KASH5: variants seen among roughly 807,000 people sequenced by gnomAD.
The protein encoded by KASH5 is KASH domain containing 5, also known as protein KASH5.
KASH5 carries 72 observed loss-of-function variants against 84.2 expected under a neutral mutation model. The observed-to-expected ratio is 0.85, with a 90% CI of 0.71 to 1.04. KASH5 has a LOEUF of 1.04. KASH5 is among the 50% of genes least tolerant of loss of function. The pLI is 0.00. For missense variants in KASH5, 650 were observed against 701.0 expected, an observed-to-expected ratio of 0.93 and a Z score of 0.82; for synonymous variants, 260 against 279.1, an observed-to-expected ratio of 0.93 and a Z score of 0.68.
In KASH5 at chr19:49,395,328, C is replaced by G; in HGVS notation, c.335+36C>G. On this transcript the variant is annotated intron_variant, in intron 4 of 19. Transcript: ENST00000447857. This position sits in a 1 kb window ranked among gnomAD's most constrained non-coding sequence, Gnocchi z 4.4. ...ACATCTTCATCCTCCTCTGGGAAGT[C>G]CTTCCTAAGATCTAACCTCATACCT... 1.9e-6 allele frequency: 3 copies of G among 1,600,478 alleles called. No individual in the cohort carries two copies. The highest frequency in any genetic ancestry group is 2.6e-6 in the Non-Finnish European group (3 of 1,173,566).
Position 49,414,107 on chromosome 19 carries a change from G to T in KASH5, c.1329-844G>T, listed in dbSNP as rs1469419492. ...AAGCAGCATTTCAGGGACTCAGATG[G>T]CTGTGACCCTAGGAGGGGCCTCCCT... On this transcript the variant is annotated intron_variant, in intron 16 of 19. Coordinates refer to ENST00000447857, the MANE Select transcript of KASH5 (RefSeq NM_144688.5). This position sits in a 1 kb window ranked among gnomAD's most constrained non-coding sequence, Gnocchi z 4.5. Among the ~76,000 whole-genome samples, 1 of 152,050 alleles carries T rather than the reference G, an allele frequency of 6.6e-6. No individual in the cohort carries two copies. The highest frequency in any genetic ancestry group is 1.5e-5 in the Non-Finnish European group (1 of 67,980).
At chr19:49,398,165 C>T (rs1443270771) in intron 7 of KASH5, 22 bp downstream of exon 7, 1 of 1,545,794 alleles carries the variant, frequency 6.5e-7, no homozygotes, top group Non-Finnish European at 8.8e-7. Context: ...GCCACACCCA[C>T]CCTCCCCAGC....
chr19:49,409,255 T>G lies in KASH5; in HGVS notation c.1118T>G (p.Leu373Arg). 6.2e-7 allele frequency: 1 copy of G among 1,613,964 alleles called. No individual in the cohort carries two copies. ...TGGACCGAGCTGCTACCCCCATCGC[T>G]GGGCTTGGAGATCGAGGCCATTCGA... ...VGWTELLPPS[L>R]GLEIEAIRQK... The change falls in exon 14 of 20, where the codon CTG becomes CGG. Residue 373 changes from leucine (L) to arginine (R), a missense_variant. Transcript: ENST00000447857.
chr19:49,390,705 A>T, intron 1 of KASH5, 84 bp from the exon 2 acceptor site: 1 of 594,768 alleles, frequency 1.7e-6, no homozygotes, highest in Non-Finnish European at 2.8e-6. Context: ...GAGGACCCAG[A>T]GGTCCTGGGG....
chr19:49,407,120 T>C (rs1403255564), intron 10 of KASH5, 120 bp from the exon 11 acceptor site: 1 of 1,358,340 alleles, frequency 7.4e-7, no homozygotes, highest in Non-Finnish European at 1.0e-6. Context: ...CCTGAAGTCC[T>C]GGAACATCTC....
chr19:49,413,057 G>C lies in KASH5; in HGVS notation c.1328+31G>C, dbSNP rs368540819. ...GAGCTGAGCCATCCGTCTGCCTCAG[G>C]GTGACACCTTATTCACAGCTGTTTA... On this transcript the variant is annotated intron_variant, in intron 16 of 19. Transcript: ENST00000447857. 4 of 1,605,168 alleles carry C rather than the reference G, an allele frequency of 2.5e-6. No homozygotes were observed. In the Admixed American group the frequency reaches 6.7e-5, roughly 27 times the overall value.
Position 49,409,028 on chromosome 19 carries a change from A to G in KASH5, c.1055A>G (p.Asp352Gly). 6.3e-7 allele frequency: 1 copy of G among 1,591,208 alleles called. No individual in the cohort carries two copies. Among genetic ancestry groups the G allele is most frequent in the Non-Finnish European group, 8.6e-7 (1 of 1,169,016 alleles). ...CTGAGTCAGACCTATGAGGGGCCCG[A>G]TGAGTGAGTGGAATTTCAAGGGGTA... ...EQLSQTYEGP[D>G]ELPEGAQLRR... The change falls in exon 13 of 20, where the codon GAT (aspartate) becomes GGT (glycine). Residue 352 changes from aspartate (D) to glycine (G), a missense_variant. Transcript: ENST00000447857.
At chr19:49,394,664 C>T in intron 3 of KASH5, 84 bp downstream of exon 3, 1 of 1,054,344 alleles carries the variant, frequency 9.5e-7, no homozygotes, top group Non-Finnish European at 1.5e-6. Flanking sequence ...AGAGAGAAGA[C>T]TGGGCTAAGG....
chr19:49,407,985 G>A (rs996420176), intron 12 of KASH5, among the ~76,000 whole-genome samples: 36 of 151,722 alleles, frequency 2.4e-4, no homozygotes, highest in African/African-American at 8.5e-4. Context: ...GCACAATCTC[G>A]GCTCACTGCA....
chr19:49,409,767 A>G lies in KASH5; in HGVS notation c.1161A>G (p.Ala387=). 1.2e-6 allele frequency: 2 copies of G among 1,613,950 alleles called. No individual in the cohort carries two copies. Among genetic ancestry groups the G allele is most frequent in the Non-Finnish European group, 1.7e-6 (2 of 1,179,838 alleles). The change falls in exon 15 of 20, where the codon GCA becomes GCG. Residue 387 remains alanine (A), a synonymous_variant. Coordinates refer to ENST00000447857, the MANE Select transcript of KASH5 (RefSeq NM_144688.5). ...TTCTGTCCCAGAAACAGGAAGTGGC[A>G]ACTGCTGATCTCTCCAACCCTCTGT... The part of the protein sequence containing the change: ...IEAIRQKQEV[A]TADLSNPLCG...
In KASH5 at chr19:49,414,351, A is replaced by C. The variant is rs916546982; in HGVS notation, c.1329-600A>C. Among the ~76,000 whole-genome samples the C allele has an allele frequency of 1.3e-5, 2 of 152,028 alleles. No individual in the cohort carries two copies. Among genetic ancestry groups the C allele is most frequent in the African/African-American group, 4.8e-5 (2 of 41,368 alleles). On this transcript the variant is annotated intron_variant, in intron 16 of 19. Transcript: ENST00000447857. The surrounding 1 kb of genome is among the most constrained non-coding windows in gnomAD (Gnocchi z 4.5). ...ATTCGGCATGGGGAAGAGCTCCAAC[A>C]GTTGAGTTCTGTGGGCTGGGAGGTC...
rs765795496 is a variant in KASH5 at position 49,398,078 on chromosome 19, G to A, written c.564G>A (p.Glu188=). The change falls in exon 7 of 20, where the codon GAG becomes GAA. Residue 188 remains glutamate (E), a synonymous_variant. Transcript: ENST00000447857. ...GENAKLQRSM[E]TAEEGSARLG... ...ATGCCAAATTGCAGCGGAGCATGGAGACAGCTGAGGAGGGGTCAGCACGCC... is the reference window on the plus strand; with the variant it reads ...ATGCCAAATTGCAGCGGAGCATGGAAACAGCTGAGGAGGGGTCAGCACGCC... 2.5e-6 allele frequency: 4 copies of A among 1,613,392 alleles called. No individual in the cohort carries two copies. The highest frequency in any genetic ancestry group is 2.2e-5 in the East Asian group (1 of 44,822).
rs1415025402 is a variant in KASH5 at position 49,415,059 on chromosome 19, G to A, written c.1374+63G>A. On this transcript the variant is annotated intron_variant, in intron 17 of 19. Coordinates refer to ENST00000447857, the MANE Select transcript of KASH5 (RefSeq NM_144688.5). ...ACTCCACACCCACAGAGGCTGAGTC[G>A]TTTCAACTCTTCCCAAGCCCCAGCC... 62 of 1,483,878 alleles carry A rather than the reference G, an allele frequency of 4.2e-5. 1 individual carries two copies. The highest frequency in any genetic ancestry group is 5.9e-5 in the South Asian group (5 of 84,098). 91.9% of individuals were successfully genotyped at this position (1,483,878 alleles called of 1,614,324 possible). A position where few individuals can be genotyped will look rare whatever the true frequency, so the allele number is the denominator to read the frequency against.
At chr19:49,394,672 A>G (rs1974116610) in intron 3 of KASH5, 92 bp downstream of exon 3, 1 of 957,806 alleles carries the variant, frequency 1.0e-6, no homozygotes, top group Non-Finnish European at 1.7e-6. Flanking sequence ...GACTGGGCTA[A>G]GGCCCCCTCT....
At chr19:49,404,051 C>T (rs930039653) in intron 9 of KASH5, among the ~76,000 whole-genome samples, 1 of 152,204 alleles carries the variant, frequency 6.6e-6, no homozygotes, top group Admixed American at 6.5e-5. Flanking sequence ...GGTTCCCTGC[C>T]GAGTGGCCCA....
chr19:49,413,204 G>C (rs546100395), intron 16 of KASH5, among the ~76,000 whole-genome samples, 178 bp downstream of exon 16: 16 of 152,340 alleles, frequency 1.1e-4, no homozygotes, highest in African/African-American at 3.8e-4. Flanking sequence ...CCTGCCCTCA[G>C]GTCTAGGAGG....
Position 49,417,679 on chromosome 19 carries a change from G to A in KASH5, c.*169G>A. ...TGAAGTCTCCTAGTTTTTTAATGCTGACATTTCTTAACAATAGCAAAACTC... is the reference window on the plus strand; with the variant it reads ...TGAAGTCTCCTAGTTTTTTAATGCTAACATTTCTTAACAATAGCAAAACTC... On this transcript the variant is annotated 3_prime_UTR_variant, in exon 20 of 20. Coordinates refer to ENST00000447857, the MANE Select transcript of KASH5 (RefSeq NM_144688.5). This position sits in a 1 kb window ranked among gnomAD's most constrained non-coding sequence, Gnocchi z 5.2. The A allele has an allele frequency of 1.2e-6, 1 of 845,254 alleles. No individual in the cohort carries two copies. Among genetic ancestry groups the A allele is most frequent in the Non-Finnish European group, 1.7e-6 (1 of 603,848 alleles). 52.4% of individuals were successfully genotyped at this position (845,254 alleles called of 1,614,324 possible).
At chr19:49,402,258 G>T (rs1470292235) in intron 9 of KASH5, among the ~76,000 whole-genome samples, 2 of 150,978 alleles carry the variant, frequency 1.3e-5, no homozygotes, top group Non-Finnish European at 3.0e-5. Context: ...AAAAGGAAAA[G>T]AAAAACTTTC....
intron 2 of KASH5, among the ~76,000 whole-genome samples, chr19:49,392,673 A>T (rs1974039221): frequency 6.6e-6 from 1 of 152,284 alleles, no homozygotes; most frequent in Non-Finnish European, 1.5e-5. Flanking sequence ...GCACTTTGCG[A>T]GGCCAAGGTG....
Sources: gnomAD v4.1 joint callset for allele counts (sites outside exome capture counted in the v4.1 genomes callset) on GRCh38, gnomAD v4.1.1 for gene constraint, Gnocchi (gnomAD v3.1) non-coding constraint, MANE v1.5 for transcripts, NCBI Gene and HGNC (gene_info 2026-07-23, HGNC 2026-07-21) for gene names.